Variants in ELK4 observed in about 807,000 individuals in gnomAD.
The protein encoded by ELK4 is ETS transcription factor ELK4.
A neutral mutation model predicts 29.6 loss-of-function variants in ELK4; 16 were observed. The ratio of observed to expected loss-of-function variants is 0.54; its 90% CI spans 0.37 to 0.82. The LOEUF (loss-of-function observed/expected upper bound fraction) is 0.82. Ranked by LOEUF, ELK4 falls within the 40% of genes least tolerant of loss-of-function variation. The probability of loss-of-function intolerance (pLI) is 0.00; values close to 1 mark genes in which losing one functional copy is unlikely to be tolerated. For synonymous variants in ELK4, 213 were observed against 191.1 expected, an observed-to-expected ratio of 1.11 and a Z score of -0.95; for missense variants, 465 against 507.1, an observed-to-expected ratio of 0.92 and a Z score of 0.80.
intron 3 of ELK4, chr1:205,619,609 G>A: frequency 6.2e-6 from 8 of 1,288,466 alleles, no homozygotes; most frequent in Non-Finnish European, 7.8e-6. Context: ...TGGTTCTCAG[G>A]ACCTACTGTT....
intron 1 of ELK4, among the ~76,000 whole-genome samples, chr1:205,631,119 G>A (rs980379616): frequency 5.9e-5 from 9 of 152,186 alleles, no homozygotes; most frequent in Non-Finnish European, 1.3e-4. Flanking sequence ...TGCACAAGGC[G>A]GAAAGTAAAG....
At chr1:205,625,222 T>G (rs1391329344) in intron 1 of ELK4, among the ~76,000 whole-genome samples, 1 of 150,712 alleles carries the variant, frequency 6.6e-6, no homozygotes. Context: ...ATCCCCCAAA[T>G]GGGAGAATAT....
At chr1:205,629,012 A>C (rs1042041434) in intron 1 of ELK4, among the ~76,000 whole-genome samples, 3 of 152,258 alleles carry the variant, frequency 2.0e-5, no homozygotes, top group East Asian at 1.9e-4. Context: ...GTGTCTATTA[A>C]AAATACAAAC....
At position 205,609,309 on chromosome 1, in the gene ELK4, T is replaced by G. The variant is rs1670118173; in HGVS notation, c.*7237A>C. The G allele has an allele frequency of 1.1e-5, 2 of 189,014 alleles. No homozygotes were observed. The highest frequency in any genetic ancestry group is 2.2e-5 in the Non-Finnish European group (2 of 89,904). The allele number at this position is 189,014 out of a possible 1,614,324, so 11.7% of individuals were successfully genotyped here. A position where few individuals can be genotyped will look rare whatever the true frequency, so the allele number is the denominator to read the frequency against. ...GAAACTAATTTTAATCAAAAATTTT[T>G]ACTTGCCTCAAACTAAAGCTAACCA... On this transcript the variant is annotated 3_prime_UTR_variant, in exon 5 of 5. Transcript: ENST00000357992.
chr1:205,631,637 C>T lies in ELK4; in HGVS notation c.-15G>A, dbSNP rs776949540. 6.2e-6 allele frequency: 2 copies of T among 324,282 alleles called. No individual in the cohort carries two copies. The highest frequency in any genetic ancestry group is 4.3e-5 in the South Asian group (2 of 46,996). The allele number at this position is 324,282 out of a possible 1,614,324, so 20.1% of individuals were successfully genotyped here. A position where few individuals can be genotyped will look rare whatever the true frequency, so the allele number is the denominator to read the frequency against. ...GCGCGGGGCTGACCGCTCACCGACG[C>T]CGCGCGCGGGGCTCCCCCTCGGTCT... On this transcript the variant is annotated 5_prime_UTR_variant, in exon 1 of 5. Coordinates refer to ENST00000357992, the MANE Select transcript of ELK4 (RefSeq NM_001973.4).
rs527284434 is a variant in ELK4, at chr1:205,617,993, G to A, written c.1197+964C>T. On this transcript the variant is annotated intron_variant, in intron 4 of 4. Transcript: ENST00000357992. ...TGTGTGTGTGTGTGTGTGAGAGAGAGAGAGAGCAAGAGAGAGAGAGAGAGT... is the reference window on the plus strand; with the variant it reads ...TGTGTGTGTGTGTGTGTGAGAGAGAAAGAGAGCAAGAGAGAGAGAGAGAGT... Among the ~76,000 whole-genome samples, 6 of 98,170 alleles carry A rather than the reference G, an allele frequency of 6.1e-5. No homozygotes were observed. The East Asian group carries it at 2.2e-3, about 36-fold the overall frequency. 64.4% of individuals were successfully genotyped at this position (98,170 alleles called of 152,430 possible). A position where few individuals can be genotyped will look rare whatever the true frequency, so the allele number is the denominator to read the frequency against.
rs1175124033 is a variant in ELK4, at chr1:205,620,089, G to C, written c.957C>G (p.Ser319=). ...EKDKVNNSSR[S]KKPKGLELAP... is the part of the protein sequence containing the mutation. ...CCAGTTCTAACCCTTTGGGTTTCTT[G>C]GATCTTGATGAATTATTTACTTTGT... The change falls in exon 3 of 5, where the codon TCC becomes TCG. Residue 319 remains serine (S), a synonymous_variant. Coordinates refer to ENST00000357992, the MANE Select transcript of ELK4 (RefSeq NM_001973.4). 2 of 1,614,172 alleles carry C rather than the reference G, an allele frequency of 1.2e-6. No individual in the cohort carries two copies. Among genetic ancestry groups the C allele is most frequent in the Non-Finnish European group, 1.7e-6 (2 of 1,180,030 alleles).
intron 3 of ELK4, 183 bp downstream of exon 3, chr1:205,619,783 T>C (rs1162675725): frequency 2.6e-6 from 4 of 1,519,210 alleles, no homozygotes; most frequent in Non-Finnish European, 3.5e-6. Context: ...TACTCCAAAC[T>C]TTCTATTTTA....
In ELK4 at chr1:205,608,442, T is replaced by C. The variant is rs1016748173; in HGVS notation, c.*8104A>G. 4.0e-5 allele frequency: 8 copies of C among 201,382 alleles called. No individual in the cohort carries two copies. Among genetic ancestry groups the C allele is most frequent in the African/African-American group, 1.8e-4 (8 of 43,600 alleles). 12.5% of individuals were successfully genotyped at this position (201,382 alleles called of 1,614,324 possible). ...TCAATCTTAGAGCAATATCCCTTTG[T>C]TTCCCAACAGGTAAGTCAGACTGCT... On this transcript the variant is annotated 3_prime_UTR_variant, in exon 5 of 5. Transcript: ENST00000357992.
At chr1:205,626,208 C>A in intron 1 of ELK4, 1 of 565,070 alleles carries the variant, frequency 1.8e-6, no homozygotes, top group Non-Finnish European at 3.4e-6. Context: ...GGTGGCCTCC[C>A]TTTCTTGACC....
intron 2 of ELK4, among the ~76,000 whole-genome samples, 156 bp downstream of exon 2, chr1:205,623,519 CG>C (rs1182384421): frequency 6.6e-6 from 1 of 151,976 alleles, no homozygotes; most frequent in Non-Finnish European, 1.5e-5. Flanking sequence ...TTCACCACAT[CG>C]GTTAGGCTGG....
rs544820329 is a variant in ELK4, at chr1:205,611,031, T to A, written c.*5515A>T. On this transcript the variant is annotated 3_prime_UTR_variant, in exon 5 of 5. Transcript: ENST00000357992. ...GTTAAAAGTTTCCTTTAAAATTATG[T>A]CAACAACAGCATGAATTTCCTGTTT... 122 of 220,568 alleles carry A rather than the reference T, an allele frequency of 5.5e-4. No individual in the cohort carries two copies. Among genetic ancestry groups the A allele is most frequent in the African/African-American group, 2.4e-3 (108 of 44,782 alleles). The allele number at this position is 220,568 out of a possible 1,614,324, so 13.7% of individuals were successfully genotyped here.
At chr1:205,616,984 C>A (rs1310728664) in intron 4 of ELK4, among the ~76,000 whole-genome samples, 1 of 152,212 alleles carries the variant, frequency 6.6e-6, no homozygotes, top group East Asian at 1.9e-4. Context: ...ATATGCACTA[C>A]AGAGTGTAAT....
At chr1:205,622,839 T>C (rs1670375979) in intron 2 of ELK4, among the ~76,000 whole-genome samples, 1 of 152,110 alleles carries the variant, frequency 6.6e-6, no homozygotes, top group African/African-American at 2.4e-5. Context: ...AGTAAGTTAA[T>C]AAATAAAATC....
chr1:205,630,968 G>A (rs545373166), intron 1 of ELK4, among the ~76,000 whole-genome samples: 2 of 152,180 alleles, frequency 1.3e-5, no homozygotes, highest in Non-Finnish European at 2.9e-5. Context: ...AGCAATAGCT[G>A]GAGAAAAAGT....
chr1:205,618,815 C>T, intron 4 of ELK4, 142 bp downstream of exon 4: 2 of 546,188 alleles, frequency 3.7e-6, no homozygotes, highest in Non-Finnish European at 6.1e-6. Context: ...ATGGTGAGGA[C>T]TCCATCTCAA....
In ELK4 at chr1:205,608,138, T is replaced by A. The variant is rs1005988360; in HGVS notation, c.*8408A>T. On this transcript the variant is annotated 3_prime_UTR_variant, in exon 5 of 5. Coordinates refer to ENST00000357992, the MANE Select transcript of ELK4 (RefSeq NM_001973.4). ...TAAAATAGATTTTTAAAAATGTATA[T>A]CTTTCCTAAAAGATGCATATCACCA... 3 of 186,274 alleles carry A rather than the reference T, an allele frequency of 1.6e-5. No individual in the cohort carries two copies. Among genetic ancestry groups the A allele is most frequent in the African/African-American group, 7.0e-5 (3 of 42,760 alleles). The allele number at this position is 186,274 out of a possible 1,614,324, so 11.5% of individuals were successfully genotyped here.
At chr1:205,617,066 A>G (rs1040404484) in intron 4 of ELK4, among the ~76,000 whole-genome samples, 7 of 152,236 alleles carry the variant, frequency 4.6e-5, no homozygotes, top group African/African-American at 7.2e-5. Context: ...ATCCTAGAAA[A>G]GGGTTCCCCA....
In ELK4 at chr1:205,616,380, G is replaced by T; in HGVS notation, c.*166C>A. 1.7e-6 allele frequency: 1 copy of T among 589,440 alleles called. No homozygotes were observed. The highest frequency in any genetic ancestry group is 2.3e-5 in the South Asian group (1 of 43,322). The allele number at this position is 589,440 out of a possible 1,614,324, so 36.5% of individuals were successfully genotyped here. A position where few individuals can be genotyped will look rare whatever the true frequency, so the allele number is the denominator to read the frequency against. ...TTTTTATACATATAGTCCAACTTGA[G>T]TCCTATTCAAAGAGAATCCTAAAAA... On this transcript the variant is annotated 3_prime_UTR_variant, in exon 5 of 5. Transcript: ENST00000357992.
Sources: allele counts gnomAD v4.1 joint callset (sites outside exome capture counted in the v4.1 genomes callset), GRCh38; gene constraint gnomAD v4.1.1; transcripts MANE v1.5; gene names NCBI Gene and HGNC (gene_info 2026-07-23, HGNC 2026-07-21).